CD300LG: variants seen among roughly 807,000 people sequenced by gnomAD.
The protein encoded by CD300LG is CD300 molecule like family member g, also known as CMRF35-like molecule 9.
A neutral mutation model predicts 31.5 loss-of-function variants in CD300LG; 29 were observed. That is an observed-to-expected ratio of 0.92 (90% CI 0.68 to 1.25). The LOEUF (loss-of-function observed/expected upper bound fraction) is 1.25, where lower values mean the gene tolerates loss of function less well. Ranked by LOEUF, CD300LG falls within the 50% of genes most tolerant of loss-of-function variation. The pLI is 0.00. For synonymous variants in CD300LG, 175 were observed against 177.2 expected (o/e 0.99, Z 0.10); for missense variants, 396 against 417.6 (o/e 0.95, Z 0.45).
chr17:43,857,684 C>A, intron 6 of CD300LG: 1 of 1,280,960 alleles, frequency 7.8e-7, no homozygotes, highest in Non-Finnish European at 1.1e-6. Flanking sequence ...AAAGATGAGA[C>A]TGAGGCCCAG....
chr17:43,860,339 G>A (rs1400775814), intron 6 of CD300LG, among the ~76,000 whole-genome samples: 1 of 152,258 alleles, frequency 6.6e-6, no homozygotes, highest in East Asian at 1.9e-4. Flanking sequence ...ATAGGAAAGA[G>A]TGAGATGATA....
chr17:43,860,035 C>A (rs1567857035), intron 6 of CD300LG, among the ~76,000 whole-genome samples: 1 of 152,216 alleles, frequency 6.6e-6, no homozygotes, highest in Non-Finnish European at 1.5e-5. Context: ...CACACCCAGG[C>A]TTCATCTTAG....
Position 43,855,148 on chromosome 17 carries a change from G to A in CD300LG, c.720-59G>A. On this transcript the variant is annotated intron_variant, in intron 4 of 6. Coordinates refer to ENST00000317310, the MANE Select transcript of CD300LG (RefSeq NM_145273.4). ...TCAGCCTGTGCCTGGGACCCCCAAA[G>A]GACATAGACTCTGGCTTATCTGGTA... is the stretch of plus-strand genomic sequence containing the variant. 8 of 1,197,326 alleles carry A rather than the reference G, an allele frequency of 6.7e-6. No individual in the cohort carries two copies. In the South Asian group the frequency reaches 7.7e-5, roughly 11 times the overall value. The allele number at this position is 1,197,326 out of a possible 1,614,324, so 74.2% of individuals were successfully genotyped here. A position where few individuals can be genotyped will look rare whatever the true frequency, so the allele number is the denominator to read the frequency against.
chr17:43,848,450 G>A (rs904045046), intron 1 of CD300LG, 108 bp from the exon 2 acceptor site: 17 of 901,576 alleles, frequency 1.9e-5, no homozygotes, highest in Middle Eastern at 2.7e-4. Context: ...TCCCCAGAAG[G>A]GATGACTGAG....
At position 43,855,200 on chromosome 17, in the gene CD300LG, T is replaced by C. The variant is rs1222439485; in HGVS notation, c.720-7T>C. The C allele has an allele frequency of 6.3e-7, 1 of 1,593,168 alleles. No individual in the cohort carries two copies. Among genetic ancestry groups the C allele is most frequent in the Non-Finnish European group, 8.5e-7 (1 of 1,170,522 alleles). On this transcript the variant is annotated splice_polypyrimidine_tract_variant and splice_region_variant and intron_variant, in intron 4 of 6. Transcript: ENST00000317310. The stretch of plus-strand genomic sequence containing the variant: ...CAGCCACTAGGCTCCTTGCGTCTCG[T>C]CTCCAGGGTGTCCATCCCGATGGTC...
chr17:43,849,156 GCCTTT>G (rs1826835449), intron 2 of CD300LG: 1 of 552,406 alleles, frequency 1.8e-6, no homozygotes, highest in African/African-American at 1.9e-5. Context: ...TGGGCTCGGC[GCCTTT>G]CCTTTCTGCC....
At chr17:43,849,679 C>G (rs1305272811) in intron 2 of CD300LG, 1 of 152,118 alleles carries the variant, frequency 6.6e-6, no homozygotes, top group African/African-American at 2.4e-5. Context: ...GACTGAGGCT[C>G]CAAGAGACTA....
chr17:43,850,850 T>C (rs1374689077), intron 2 of CD300LG, among the ~76,000 whole-genome samples: 1 of 152,112 alleles, frequency 6.6e-6, no homozygotes, highest in Non-Finnish European at 1.5e-5. Context: ...GATTAAGAAG[T>C]ATAAGTCCCG....
intron 5 of CD300LG, among the ~76,000 whole-genome samples, chr17:43,855,996 C>A (rs2046509098): frequency 1.3e-5 from 2 of 152,232 alleles, no homozygotes; most frequent in African/African-American, 4.8e-5. Context: ...GGCTGGAGTG[C>A]AGTGGTGTGA....
chr17:43,855,420 C>T (rs2046490585), intron 5 of CD300LG, 101 bp downstream of exon 5: 1 of 623,854 alleles, frequency 1.6e-6, no homozygotes, highest in Middle Eastern at 4.4e-4. Flanking sequence ...CCCTGTGGGT[C>T]TCAGCGTGTC....
At chr17:43,853,595 ATGC>A (rs2046422406) in intron 3 of CD300LG, among the ~76,000 whole-genome samples, 1 of 152,152 alleles carries the variant, frequency 6.6e-6, no homozygotes, top group Non-Finnish European at 1.5e-5. Flanking sequence ...ACTGAACATC[ATGC>A]ACAGCTGTGG....
Position 43,861,994 on chromosome 17 carries a change from C to A in CD300LG, c.*83C>A. On this transcript the variant is annotated 3_prime_UTR_variant, in exon 7 of 7. Transcript: ENST00000317310. Reference sequence around the variant, plus strand: ...ACCGATTCCCGAAAGCTTTCCACCTCAGCCTCAGAGTCCAGCTGCCCGGAC... The same window carrying A: ...ACCGATTCCCGAAAGCTTTCCACCTAAGCCTCAGAGTCCAGCTGCCCGGAC... 1.0e-6 allele frequency: 1 copy of A among 989,318 alleles called. No homozygotes were observed. Among genetic ancestry groups the A allele is most frequent in the Non-Finnish European group, 1.4e-6 (1 of 693,292 alleles). The allele number at this position is 989,318 out of a possible 1,614,324, so 61.3% of individuals were successfully genotyped here.
At chr17:43,857,589 C>G in intron 6 of CD300LG, 1 of 1,207,962 alleles carries the variant, frequency 8.3e-7, no homozygotes, top group African/African-American at 1.5e-5. Flanking sequence ...GAGATGCACT[C>G]TCCAGGGCCC....
intron 5 of CD300LG, among the ~76,000 whole-genome samples, chr17:43,856,015 C>T (rs1023554341): frequency 2.6e-5 from 4 of 152,150 alleles, no homozygotes; most frequent in South Asian, 2.1e-4. Flanking sequence ...GATCATGGCT[C>T]ACTGCAGCCT....
At chr17:43,849,179 G>T in intron 2 of CD300LG, 1 of 540,398 alleles carries the variant, frequency 1.9e-6, no homozygotes, top group Non-Finnish European at 3.3e-6. Context: ...GCCCAGGTGT[G>T]CTGGAGGGAG....
At chr17:43,858,854 G>A (rs1312617215) in intron 6 of CD300LG, among the ~76,000 whole-genome samples, 1 of 152,194 alleles carries the variant, frequency 6.6e-6, no homozygotes, top group Non-Finnish European at 1.5e-5. Context: ...GGTCAGACCA[G>A]CATTTTCTTT....
At chr17:43,851,777 G>A (rs753403673) in intron 2 of CD300LG, among the ~76,000 whole-genome samples, 3 of 150,944 alleles carry the variant, frequency 2.0e-5, no homozygotes, top group African/African-American at 4.9e-5. Context: ...GGATGGTCTC[G>A]ATCTCCTGAC....
chr17:43,862,696 C>T lies in CD300LG; in HGVS notation c.*785C>T, dbSNP rs1407567860. On this transcript the variant is annotated 3_prime_UTR_variant, in exon 7 of 7. Transcript: ENST00000317310. ...GGACTCCCCTGAGGCCTGCCTAAGTCCAGGCCTTGGTCAGGTCAGGTGCAC... is the reference window on the plus strand; with the variant it reads ...GGACTCCCCTGAGGCCTGCCTAAGTTCAGGCCTTGGTCAGGTCAGGTGCAC... The T allele has an allele frequency of 2.6e-5, 4 of 152,170 alleles. No individual in the cohort carries two copies. The highest frequency in any genetic ancestry group is 9.7e-5 in the African/African-American group (4 of 41,424). 9.4% of individuals were successfully genotyped at this position (152,170 alleles called of 1,614,324 possible). A position where few individuals can be genotyped will look rare whatever the true frequency, so the allele number is the denominator to read the frequency against.
In CD300LG at chr17:43,853,805, A is replaced by G. The variant is rs1362224155; in HGVS notation, c.482-2A>G. 1.9e-6 allele frequency: 3 copies of G among 1,611,886 alleles called. No individual in the cohort carries two copies. The stretch of plus-strand genomic sequence containing the variant: ...GCTGAGGCATTGCTTTTGGACTTGT[A>G]GCTTCTCCTGGGCTCTACCCGGCAG... On this transcript the variant is annotated splice_acceptor_variant, in intron 3 of 6. Transcript: ENST00000317310. LOFTEE classifies it high-confidence loss of function.
Sources: gnomAD v4.1 joint callset for allele counts (sites outside exome capture counted in the v4.1 genomes callset) on GRCh38, gnomAD v4.1.1 for gene constraint, MANE v1.5 for transcripts, NCBI Gene and HGNC (gene_info 2026-07-23, HGNC 2026-07-21) for gene names.